ACAN: variants seen among roughly 807,000 people sequenced by gnomAD.
ACAN encodes the protein aggrecan.
In ACAN, 47 loss-of-function variants were observed where a neutral mutation model predicts 169.1. The ratio of observed to expected loss-of-function variants is 0.28; its 90% CI spans 0.22 to 0.35. The LOEUF (loss-of-function observed/expected upper bound fraction) is 0.35. Ranked by LOEUF, ACAN falls within the 10% of genes least tolerant of loss-of-function variation. The pLI is 1.00. For missense variants in ACAN, 2,716 were observed against 2,759.9 expected, an observed-to-expected ratio of 0.98 and a Z score of 0.36; for synonymous variants, 1,115 against 1,112.2, an observed-to-expected ratio of 1.00 and a Z score of -0.05.
chr15:88,864,011 A>T (rs1201393926), intron 13 of ACAN, among the ~76,000 whole-genome samples: 1 of 152,056 alleles, frequency 6.6e-6, no homozygotes, highest in Non-Finnish European at 1.5e-5. Context: ...ACTGCTACAA[A>T]AAATATATGT....
At chr15:88,840,210 TG>T (rs1164477492) in intron 4 of ACAN, 24 bp downstream of exon 4, 1 of 1,561,936 alleles carries the variant, frequency 6.4e-7, no homozygotes, top group Admixed American at 1.8e-5. Context: ...CATCAGCTAG[TG>T]GGGGCCAGGA....
chr15:88,805,511 T>A (rs747992679), intron 1 of ACAN, among the ~76,000 whole-genome samples: 1 of 152,236 alleles, frequency 6.6e-6, no homozygotes, highest in Non-Finnish European at 1.5e-5. Context: ...AATTTAGATA[T>A]TCTTACGTGT....
At chr15:88,852,176 G>A in intron 11 of ACAN, 143 bp downstream of exon 11, 1 of 1,287,644 alleles carries the variant, frequency 7.8e-7, no homozygotes, top group Non-Finnish European at 1.0e-6. Context: ...GTTCTGCTAT[G>A]GGCAACTTCA....
intron 1 of ACAN, among the ~76,000 whole-genome samples, chr15:88,821,003 T>C (rs8025041): frequency 0.38 from 57,057 of 151,906 alleles, 11,052 homozygotes; most frequent in East Asian, 0.59. Flanking sequence ...GGAGAAGTGC[T>C]GAGCAAAGGG....
intron 1 of ACAN, among the ~76,000 whole-genome samples, chr15:88,813,549 G>A (rs577152174): frequency 2.0e-5 from 3 of 152,286 alleles, no homozygotes; most frequent in South Asian, 2.1e-4. Flanking sequence ...TCAGTAGTTC[G>A]TGATGACTCA....
intron 1 of ACAN, among the ~76,000 whole-genome samples, chr15:88,829,004 A>G (rs986310588): frequency 1.3e-5 from 2 of 152,180 alleles, no homozygotes; most frequent in Admixed American, 1.3e-4. Context: ...CCAATCCTAG[A>G]CAAAAGTATG....
chr15:88,816,187 C>A (rs1567164860), intron 1 of ACAN, among the ~76,000 whole-genome samples: 1 of 152,240 alleles, frequency 6.6e-6, no homozygotes, highest in Non-Finnish European at 1.5e-5. Flanking sequence ...TTGATTACAT[C>A]TGCAAAGACC....
chr15:88,874,822 AT>A lies in ACAN; in HGVS notation c.*346del. 1 of 374,828 alleles carries A rather than the reference AT, an allele frequency of 2.7e-6. No homozygotes were observed. Among genetic ancestry groups the A allele is most frequent in the South Asian group, 2.2e-5 (1 of 46,360 alleles). 23.2% of individuals were successfully genotyped at this position (374,828 alleles called of 1,614,324 possible). On this transcript the variant is annotated 3_prime_UTR_variant, in exon 19 of 19. Transcript: ENST00000560601. This position sits in a 1 kb window ranked among gnomAD's most constrained non-coding sequence, Gnocchi z 7.3. ...GGGGTTAAGTTAAATAAAGAAGATT[AT>A]TTTTGTTTCCTGACTTTATCCAAGA...
chr15:88,846,705 G>A (rs59822888), intron 7 of ACAN, among the ~76,000 whole-genome samples: 4,146 of 152,264 alleles, frequency 0.027, 195 homozygotes, highest in African/African-American at 0.095. Flanking sequence ...GTTGTATCAG[G>A]TTTTATAGGT....
At chr15:88,815,324 C>A (rs151082257) in intron 1 of ACAN, among the ~76,000 whole-genome samples, 1 of 151,766 alleles carries the variant, frequency 6.6e-6, no homozygotes, top group Non-Finnish European at 1.5e-5. Context: ...TTTGAGAGGC[C>A]GAGGTGGGAG....
intron 1 of ACAN, among the ~76,000 whole-genome samples, chr15:88,831,341 A>G (rs974363503): frequency 6.6e-6 from 1 of 152,186 alleles, no homozygotes; most frequent in Non-Finnish European, 1.5e-5. Context: ...TGCACATCAC[A>G]AGGAAGCAGC....
At chr15:88,832,709 A>T (rs1896395280) in intron 1 of ACAN, among the ~76,000 whole-genome samples, 1 of 152,218 alleles carries the variant, frequency 6.6e-6, no homozygotes, top group Admixed American at 6.5e-5. Context: ...TGTGTTTGAA[A>T]TGAATGCAGT....
intron 2 of ACAN, among the ~76,000 whole-genome samples, chr15:88,837,866 A>G (rs987026568): frequency 6.8e-6 from 1 of 147,450 alleles, no homozygotes; most frequent in Non-Finnish European, 1.5e-5. Context: ...TCATAAATGT[A>G]TGAGTCTCCA....
rs981459321 is a variant in ACAN, at chr15:88,843,858, C to G, written c.1051+210C>G. 6.6e-6 allele frequency among the ~76,000 whole-genome samples: 1 copy of G among 152,188 alleles called. No individual in the cohort carries two copies. The highest frequency in any genetic ancestry group is 1.5e-5 in the Non-Finnish European group (1 of 68,034). On this transcript the variant is annotated intron_variant, in intron 6 of 18. Coordinates refer to ENST00000560601, the MANE Select transcript of ACAN (RefSeq NM_001369268.1). The surrounding 1 kb of genome is among the most constrained non-coding windows in gnomAD (Gnocchi z 4.0). ...TCTTGAGACTGCAGCGTATCTAGCTCTGTCTCATCGGATCAGCACAGACGA... is the reference window on the plus strand; with the variant it reads ...TCTTGAGACTGCAGCGTATCTAGCTGTGTCTCATCGGATCAGCACAGACGA...
Position 88,839,919 on chromosome 15 carries a change from C to G in ACAN, c.455-93C>G. ...CAGACCAGCCAGTTCCCTAAGGTCC[C>G]TTTGACTATTGCCATAATTCTGCGA... On this transcript the variant is annotated intron_variant, in intron 3 of 18. Transcript: ENST00000560601. The surrounding 1 kb of genome is among the most constrained non-coding windows in gnomAD (Gnocchi z 4.5). The G allele has an allele frequency of 1.4e-6, 2 of 1,463,268 alleles. No homozygotes were observed. Among genetic ancestry groups the G allele is most frequent in the Non-Finnish European group, 1.9e-6 (2 of 1,078,794 alleles). The allele number at this position is 1,463,268 out of a possible 1,614,324, so 90.6% of individuals were successfully genotyped here.
In ACAN at chr15:88,868,859, T is replaced by A. The variant is rs1208780260; in HGVS notation, c.7060+530T>A. ...CCGTGTCATCAGCATGCTCAAGTCA[T>A]GCATGAGCAAGGACTGCTGCATGTC... On this transcript the variant is annotated intron_variant, in intron 14 of 18. Transcript: ENST00000560601. The surrounding 1 kb of genome is among the most constrained non-coding windows in gnomAD (Gnocchi z 5.2). Among the ~76,000 whole-genome samples, 1 of 152,212 alleles carries A rather than the reference T, an allele frequency of 6.6e-6. No homozygotes were observed. Among genetic ancestry groups the A allele is most frequent in the Non-Finnish European group, 1.5e-5 (1 of 68,034 alleles).
At chr15:88,826,121 A>G (rs1309114123) in intron 1 of ACAN, among the ~76,000 whole-genome samples, 1 of 152,174 alleles carries the variant, frequency 6.6e-6, no homozygotes, top group African/African-American at 2.4e-5. Context: ...GGGACTTTAG[A>G]AAAGGTTAGA....
chr15:88,816,553 ATTTTATAGATAACAAC>A (rs1895946783), intron 1 of ACAN, among the ~76,000 whole-genome samples: 12 of 152,330 alleles, frequency 7.9e-5, no homozygotes, highest in Admixed American at 7.8e-4. Flanking sequence ...AATTATTCCC[ATTTTATAGATAACAAC>A]ACTGAGACAT....
chr15:88,834,620 G>A (rs1023877037), intron 1 of ACAN, among the ~76,000 whole-genome samples: 1 of 152,226 alleles, frequency 6.6e-6, no homozygotes, highest in African/African-American at 2.4e-5. Context: ...CCGCTCCAAG[G>A]TTCCCTCCCT....
Sources: allele counts gnomAD v4.1 joint callset (sites outside exome capture counted in the v4.1 genomes callset), GRCh38; gene constraint gnomAD v4.1.1; non-coding constraint Gnocchi (gnomAD v3.1); transcripts MANE v1.5; gene names NCBI Gene and HGNC (gene_info 2026-07-23, HGNC 2026-07-21).